PGGHG: variants seen among roughly 807,000 people sequenced by gnomAD.
PGGHG encodes protein-glucosylgalactosylhydroxylysine glucosidase.
In PGGHG, 67 loss-of-function variants were observed where a neutral mutation model predicts 74.5. The ratio of observed to expected loss-of-function variants is 0.90; its 90% CI spans 0.74 to 1.10. The LOEUF (loss-of-function observed/expected upper bound fraction) is 1.10. Ranked by LOEUF, PGGHG falls within the 50% of genes least tolerant of loss-of-function variation. PGGHG has a pLI of 0.00. For synonymous variants in PGGHG, 496 were observed against 419.9 expected (o/e 1.18, Z -2.21); for missense variants, 1,034 against 981.5 (o/e 1.05, Z -0.72).
At chr11:291,178 C>T (rs1845710192) in intron 4 of PGGHG, 65 bp downstream of exon 4, 1 of 1,484,182 alleles carries the variant, frequency 6.7e-7, no homozygotes, top group South Asian at 1.3e-5. Flanking sequence ...CGGTCTCTGC[C>T]CTCCCTGGGA....
At chr11:292,429 CGCCAGG>C (rs1845750557) in intron 5 of PGGHG, 111 bp from the exon 6 acceptor site, 5 of 1,358,560 alleles carry the variant, frequency 3.7e-6, no homozygotes, top group Non-Finnish European at 5.1e-6. Flanking sequence ...CAGTAGCACC[CGCCAGG>C]GTACCTGGCG....
Position 289,865 on chromosome 11 carries a change from C to T in PGGHG, c.49C>T (p.Pro17Ser). The change falls in exon 2 of 14, where the codon CCC becomes TCC. Residue 17 changes from proline to serine, a missense_variant. By Grantham distance (74) the Pro-to-Ser change is moderately conservative. Coordinates refer to ENST00000409548, the MANE Select transcript of PGGHG (RefSeq NM_025092.5). This position sits in a 1 kb window ranked among gnomAD's most constrained non-coding sequence, Gnocchi z 5.6. ...CACCACGTTTGCTGCCCACTCTCTGCCCAGTGACCCCCGTCTCTTGGCCAC... is the reference window on the plus strand; with the variant it reads ...CACCACGTTTGCTGCCCACTCTCTGTCCAGTGACCCCCGTCTCTTGGCCAC... The part of the protein sequence containing the change: ...DPTTFAAHSL[P>S]SDPRLLATVT... 1.3e-6 allele frequency: 2 copies of T among 1,551,140 alleles called. No homozygotes were observed. The highest frequency in any genetic ancestry group is 1.7e-6 in the Non-Finnish European group (2 of 1,146,906).
chr11:292,497 C>T, intron 5 of PGGHG, 49 bp from the exon 6 acceptor site: 1 of 1,598,560 alleles, frequency 6.3e-7, no homozygotes, highest in South Asian at 1.1e-5. Context: ...GTTGGGGGGC[C>T]ACCGCTCCCC....
At position 289,487 on chromosome 11, in the gene PGGHG, G is replaced by A; in HGVS notation, c.-14+248G>A. ...GACGCAGGTCCCGACCACAGAGGGT[G>A]GGGGCAAGACCGGGGTTGTGGGGGG... is the stretch of plus-strand genomic sequence containing the variant. On this transcript the variant is annotated intron_variant, in intron 1 of 13. Transcript: ENST00000409548. The surrounding 1 kb of genome is among the most constrained non-coding windows in gnomAD (Gnocchi z 5.6). 1 of 288,352 alleles carries A rather than the reference G, an allele frequency of 3.5e-6. No homozygotes were observed. The highest frequency in any genetic ancestry group is 6.6e-6 in the Non-Finnish European group (1 of 152,276). The allele number at this position is 288,352 out of a possible 1,614,324, so 17.9% of individuals were successfully genotyped here. A position where few individuals can be genotyped will look rare whatever the true frequency, so the allele number is the denominator to read the frequency against.
At position 294,197 on chromosome 11, in the gene PGGHG, GT is replaced by G; in HGVS notation, c.1808+2del. 6.2e-7 allele frequency: 1 copy of G among 1,608,380 alleles called. No individual in the cohort carries two copies. Reference sequence around the variant, plus strand: ...TGGTCTTCGGGTGCACGGGGTTCAGGTAAGTGCAGAGGCTGGCAGAGGGCAG... The same window carrying G: ...TGGTCTTCGGGTGCACGGGGTTCAGGAAGTGCAGAGGCTGGCAGAGGGCAG... On this transcript the variant is annotated splice_donor_variant, in intron 12 of 13. Transcript: ENST00000409548. LOFTEE classifies it high-confidence loss of function.
chr11:293,964 T>C (rs898055803), intron 11 of PGGHG, 39 bp downstream of exon 11: 1 of 1,599,736 alleles, frequency 6.3e-7, no homozygotes, highest in African/African-American at 1.3e-5. Context: ...GGGCCCCTTG[T>C]GGTGGGAGTG....
chr11:293,623 C>T lies in PGGHG; in HGVS notation c.1510C>T (p.Leu504Phe). ...GEVVKQADVV[L>F]LGYPVPFSLS... is the part of the protein sequence containing the mutation. ...GGTGGTGAAGCAGGCAGACGTCGTG[C>T]TCCTGGGATACCCAGTCCCCTTCTC... The change falls in exon 10 of 14, where the codon CTC (leucine) becomes TTC (phenylalanine). Residue 504 changes from leucine (L) to phenylalanine (F), a missense_variant. Coordinates refer to ENST00000409548, the MANE Select transcript of PGGHG (RefSeq NM_025092.5). The T allele has an allele frequency of 5.0e-6, 8 of 1,613,636 alleles. No homozygotes were observed. Among genetic ancestry groups the T allele is most frequent in the Non-Finnish European group, 6.8e-6 (8 of 1,180,012 alleles).
rs1162385572 is a variant in PGGHG, at chr11:289,884, T to G, written c.68T>G (p.Leu23Trp). The G allele has an allele frequency of 6.4e-7, 1 of 1,551,102 alleles. No individual in the cohort carries two copies. Among genetic ancestry groups the G allele is most frequent in the Non-Finnish European group, 8.7e-7 (1 of 1,146,898 alleles). Residue 23 changes from leucine to tryptophan, a missense_variant, in exon 2 of 14, where the codon TTG becomes TGG. Transcript: ENST00000409548. The surrounding 1 kb of genome is among the most constrained non-coding windows in gnomAD (Gnocchi z 5.6). ...TCTCTGCCCAGTGACCCCCGTCTCT[T>G]GGCCACTGTGACCAACGCATACCTG... ...AHSLPSDPRLLATVTNAYLGT... is the reference protein window; with the variant it reads ...AHSLPSDPRLWATVTNAYLGT...
At position 292,186 on chromosome 11, in the gene PGGHG, C is replaced by T. The variant is rs573454491; in HGVS notation, c.1026+91C>T. 1.2e-4 allele frequency: 176 copies of T among 1,425,328 alleles called. No homozygotes were observed. The East Asian group carries it at 2.6e-3, about 21-fold the overall frequency. 88.3% of individuals were successfully genotyped at this position (1,425,328 alleles called of 1,614,324 possible). On this transcript the variant is annotated intron_variant, in intron 5 of 13. Transcript: ENST00000409548. ...GGCCTGTATCCCTCTCCCCAGGCCC[C>T]CTCTGGACAAAGCTGGGACATCCTA...
chr11:294,522 G>GTCCCTCA, intron 13 of PGGHG, 34 bp from the exon 14 acceptor site: 2 of 1,593,114 alleles, frequency 1.3e-6, no homozygotes, highest in East Asian at 2.2e-5. Flanking sequence ...ACCCCAGGCT[G>GTCCCTCA]CCCCTCACCC....
At position 293,045 on chromosome 11, in the gene PGGHG, C is replaced by G. The variant is rs748932118; in HGVS notation, c.1270+48C>G. ...CTCGGGGAGGAAGGGTGGATGCTCC[C>G]AGACTCAGCAGATGATTTTCAGACA... On this transcript the variant is annotated intron_variant, in intron 7 of 13. Coordinates refer to ENST00000409548, the MANE Select transcript of PGGHG (RefSeq NM_025092.5). 4.3e-6 allele frequency: 7 copies of G among 1,613,838 alleles called. No homozygotes were observed. In the South Asian group the frequency reaches 6.6e-5, roughly 15 times the overall value.
Position 290,905 on chromosome 11 carries a change from A to C in PGGHG, c.698A>C (p.Gln233Pro). 6.2e-7 allele frequency: 1 copy of C among 1,612,000 alleles called. No individual in the cohort carries two copies. The highest frequency in any genetic ancestry group is 8.5e-7 in the Non-Finnish European group (1 of 1,179,440). ...GGAGCTCTGTATACGGCTCACGCAC[A>C]GGCCTGGGCCCAGCTCTGGGTAGAA... Reference protein sequence around the residue: ...ARGALYTAHAQAWAQLWVECG... With the variant: ...ARGALYTAHAPAWAQLWVECG... Residue 233 changes from glutamine (Q) to proline (P), a missense_variant, in exon 4 of 14, where the codon CAG becomes CCG. Gln to Pro is a moderately conservative substitution (Grantham distance 76). Coordinates refer to ENST00000409548, the MANE Select transcript of PGGHG (RefSeq NM_025092.5).
rs888878537 is a variant in PGGHG at position 289,561 on chromosome 11, G to A, written c.-13-243G>A. The stretch of plus-strand genomic sequence containing the variant: ...ACTGGAATTCTAAGGTAGCAGGAGG[G>A]AGAGACACACTCAGGGGCTCAGCTG... On this transcript the variant is annotated intron_variant, in intron 1 of 13. Coordinates refer to ENST00000409548, the MANE Select transcript of PGGHG (RefSeq NM_025092.5). This position sits in a 1 kb window ranked among gnomAD's most constrained non-coding sequence, Gnocchi z 5.6. 24 of 555,106 alleles carry A rather than the reference G, an allele frequency of 4.3e-5. No individual in the cohort carries two copies. Among genetic ancestry groups the A allele is most frequent in the Non-Finnish European group, 7.0e-5 (22 of 316,280 alleles). 34.4% of individuals were successfully genotyped at this position (555,106 alleles called of 1,614,324 possible). A position where few individuals can be genotyped will look rare whatever the true frequency, so the allele number is the denominator to read the frequency against.
chr11:290,187 C>CT, intron 2 of PGGHG, 112 bp downstream of exon 2: 1 of 1,431,052 alleles, frequency 7.0e-7, no homozygotes. Flanking sequence ...GGAAGTCTCA[C>CT]TAAGACAGGA....
intron 5 of PGGHG, 86 bp downstream of exon 5, chr11:292,181 G>A (rs1845743113): frequency 2.1e-6 from 3 of 1,438,378 alleles, no homozygotes; most frequent in Non-Finnish European, 9.1e-7. Context: ...CCTCTCCCCA[G>A]GCCCCCTCTG....
chr11:291,012 C>G lies in PGGHG; in HGVS notation c.805C>G (p.Gln269Glu). The G allele has an allele frequency of 6.2e-7, 1 of 1,612,658 alleles. No individual in the cohort carries two copies. Among genetic ancestry groups the G allele is most frequent in the Non-Finnish European group, 8.5e-7 (1 of 1,179,932 alleles). Reference sequence around the variant, plus strand: ...CTACTACCTGCTCAGTGCCCTGCCCCAGCCCAAGGCCCCAGGATACATCTG... The same window carrying G: ...CTACTACCTGCTCAGTGCCCTGCCCGAGCCCAAGGCCCCAGGATACATCTG... The part of the protein sequence containing the change: ...SLYYLLSALP[Q>E]PKAPGYICHG... Residue 269 changes from glutamine to glutamate, a missense_variant, in exon 4 of 14, where the codon CAG (glutamine) becomes GAG (glutamate). Gln to Glu is a conservative substitution (Grantham distance 29). Transcript: ENST00000409548.
chr11:291,424 C>T, intron 4 of PGGHG: 2 of 353,164 alleles, frequency 5.7e-6, no homozygotes. Context: ...TTGGAGTTTA[C>T]CTGAGGGCCA....
Position 291,131 on chromosome 11 carries a change from A to C in PGGHG, c.906+18A>C. ...GGGACCAGGTGAGCACTGTACACCC[A>C]GCACCAGCCACACAGCAGGCGACAC... On this transcript the variant is annotated intron_variant, in intron 4 of 13. Transcript: ENST00000409548. 1 of 1,539,140 alleles carries C rather than the reference A, an allele frequency of 6.5e-7. No homozygotes were observed. Among genetic ancestry groups the C allele is most frequent in the East Asian group, 2.3e-5 (1 of 44,044 alleles).
chr11:294,365 T>A lies in PGGHG; in HGVS notation c.1907T>A (p.Phe636Tyr), dbSNP rs1845814766. 3 of 1,612,902 alleles carry A rather than the reference T, an allele frequency of 1.9e-6. No individual in the cohort carries two copies. Among genetic ancestry groups the A allele is most frequent in the African/African-American group, 2.7e-5 (2 of 74,838 alleles). The change falls in exon 13 of 14, where the codon TTC becomes TAC. Residue 636 changes from phenylalanine (F) to tyrosine (Y), a missense_variant. By Grantham distance (22) the Phe-to-Tyr change is conservative (BLOSUM62 3). Coordinates refer to ENST00000409548, the MANE Select transcript of PGGHG (RefSeq NM_025092.5). ...TTCTACCAGGGGAACAAGCTCAACT[T>A]CTCTTTTTCCGAGGACTCCGTGACC... Reference protein sequence around the residue: ...GIFYQGNKLNFSFSEDSVTVE... With the variant: ...GIFYQGNKLNYSFSEDSVTVE...
Sources: gnomAD v4.1 joint callset for allele counts on GRCh38, gnomAD v4.1.1 for gene constraint, Gnocchi (gnomAD v3.1) non-coding constraint, MANE v1.5 for transcripts, NCBI Gene and HGNC (gene_info 2026-07-23, HGNC 2026-07-21) for gene names.